SPHKAP: variants seen among roughly 807,000 people sequenced by gnomAD.
SPHKAP encodes the protein A-kinase anchor protein SPHKAP.
SPHKAP carries 67 observed loss-of-function variants against 137.5 expected under a neutral mutation model. The observed-to-expected ratio is 0.49, with a 90% CI of 0.40 to 0.60. SPHKAP has a LOEUF of 0.60. Among genes scored for constraint, SPHKAP ranks in the 20% least tolerant of loss-of-function variants. The probability of loss-of-function intolerance (pLI) is 0.00; values close to 1 mark genes in which losing one functional copy is unlikely to be tolerated. For missense variants in SPHKAP, 2,097 were observed against 2,069.3 expected (o/e 1.01, Z -0.26); for synonymous variants, 813 against 785.3 (o/e 1.04, Z -0.59).
chr2:228,039,760 T>G (rs2106256162), intron 3 of SPHKAP, among the ~76,000 whole-genome samples: 1 of 152,316 alleles, frequency 6.6e-6, no homozygotes, highest in East Asian at 1.9e-4. Flanking sequence ...TGCTTTTATA[T>G]AAGATAAAAA....
rs1028529778 is a variant in SPHKAP, at chr2:227,997,629, C to T, written c.4449-1935G>A. Among the ~76,000 whole-genome samples the T allele has an allele frequency of 2.0e-5, 3 of 152,088 alleles. No individual in the cohort carries two copies. In the South Asian group the frequency reaches 6.2e-4, roughly 32 times the overall value. ...CTGTTTTGATCTTTGCTTCTCACTACCCCTCAAGCCTCAGCCAAGACACTC... is the reference window on the plus strand; with the variant it reads ...CTGTTTTGATCTTTGCTTCTCACTATCCCTCAAGCCTCAGCCAAGACACTC... On this transcript the variant is annotated intron_variant, in intron 7 of 11. Transcript: ENST00000392056.
intron 7 of SPHKAP, among the ~76,000 whole-genome samples, chr2:228,005,323 T>C (rs1694086082): frequency 4.6e-5 from 7 of 152,224 alleles, no homozygotes. Context: ...CTTCGTCTCT[T>C]TTGATCTTTG....
intron 3 of SPHKAP, among the ~76,000 whole-genome samples, chr2:228,056,553 A>C (rs966980374): frequency 1.3e-5 from 2 of 151,660 alleles, no homozygotes; most frequent in African/African-American, 4.9e-5. Context: ...TTTCAGTTCA[A>C]AATCTGAACA....
intron 3 of SPHKAP, 48 bp downstream of exon 3, chr2:228,108,784 C>T (rs760824420): frequency 1.5e-5 from 21 of 1,395,126 alleles, no homozygotes; most frequent in South Asian, 2.4e-5. Context: ...TACATGTGCC[C>T]GCTTCCCTGC....
chr2:228,149,466 T>C (rs942805238), intron 1 of SPHKAP, among the ~76,000 whole-genome samples: 1 of 152,218 alleles, frequency 6.6e-6, no homozygotes, highest in African/African-American at 2.4e-5. Context: ...ACGATTTTAC[T>C]GTGTGAATGA....
chr2:228,124,029 A>G (rs1029315207), intron 2 of SPHKAP, among the ~76,000 whole-genome samples: 5 of 151,860 alleles, frequency 3.3e-5, no homozygotes, highest in Admixed American at 2.6e-4. Context: ...CAAAACCACG[A>G]TGAGATACCA....
intron 11 of SPHKAP, among the ~76,000 whole-genome samples, chr2:227,983,942 TG>T (rs1190399947): frequency 6.6e-6 from 1 of 152,092 alleles, no homozygotes; most frequent in African/African-American, 2.4e-5. Flanking sequence ...GATGTGGGGC[TG>T]CTTCATGCTC....
chr2:228,029,042 C>T (rs531241547), intron 3 of SPHKAP, among the ~76,000 whole-genome samples: 41 of 152,260 alleles, frequency 2.7e-4, no homozygotes, highest in East Asian at 1.7e-3. Context: ...GAAAGTGTAA[C>T]GCTGTCAAGC....
chr2:228,129,879 C>T (rs1699196656), intron 2 of SPHKAP, among the ~76,000 whole-genome samples: 1 of 151,366 alleles, frequency 6.6e-6, no homozygotes, highest in African/African-American at 2.4e-5. Context: ...TCACTGCAAC[C>T]TCCACCTCCC....
At chr2:228,080,605 G>A (rs1343744932) in intron 3 of SPHKAP, among the ~76,000 whole-genome samples, 3 of 152,092 alleles carry the variant, frequency 2.0e-5, no homozygotes, top group Non-Finnish European at 2.9e-5. Context: ...TACTCAGGAG[G>A]CTGAGGCAGG....
chr2:228,168,136 C>T lies in SPHKAP; in HGVS notation c.32+13431G>A, dbSNP rs556541091. On this transcript the variant is annotated intron_variant, in intron 1 of 11. Transcript: ENST00000392056. Reference sequence around the variant, plus strand: ...CTAATCATTTCAAAGAAACTACTTACAACTTTTTATATACAGTTTATCATG... The same window carrying T: ...CTAATCATTTCAAAGAAACTACTTATAACTTTTTATATACAGTTTATCATG... Among the ~76,000 whole-genome samples the T allele has an allele frequency of 5.9e-5, 9 of 152,222 alleles. No homozygotes were observed. The South Asian group carries it at 1.9e-3, about 32-fold the overall frequency.
intron 3 of SPHKAP, among the ~76,000 whole-genome samples, chr2:228,050,905 C>T (rs1696232466): frequency 6.6e-6 from 1 of 152,128 alleles, no homozygotes; most frequent in South Asian, 2.1e-4. Flanking sequence ...TTCCTGGGCT[C>T]AGGTGGTCCT....
Position 228,173,206 on chromosome 2 carries a change from G to T in SPHKAP, c.32+8361C>A, listed in dbSNP as rs532879252. Reference sequence around the variant, plus strand: ...AAAGAAAGAAAGAAGGAAACAAGGAGAAAGAAACAAGAAAGAAATTAGTCC... The same window carrying T: ...AAAGAAAGAAAGAAGGAAACAAGGATAAAGAAACAAGAAAGAAATTAGTCC... On this transcript the variant is annotated intron_variant, in intron 1 of 11. Coordinates refer to ENST00000392056, the MANE Select transcript of SPHKAP (RefSeq NM_001142644.2). Among the ~76,000 whole-genome samples the T allele has an allele frequency of 5.3e-5, 8 of 152,316 alleles. No individual in the cohort carries two copies. The South Asian group carries it at 1.5e-3, about 28-fold the overall frequency.
chr2:228,112,564 T>C (rs1363465725), intron 2 of SPHKAP, among the ~76,000 whole-genome samples: 1 of 152,076 alleles, frequency 6.6e-6, no homozygotes, highest in East Asian at 1.9e-4. Context: ...GGTGGGTACA[T>C]TTTCGTGGTG....
At chr2:228,047,477 A>AC (rs1696107151) in intron 3 of SPHKAP, among the ~76,000 whole-genome samples, 1 of 152,008 alleles carries the variant, frequency 6.6e-6, no homozygotes, top group African/African-American at 2.4e-5. Flanking sequence ...AAAAAAAAAA[A>AC]AAAAACAAAA....
chr2:228,173,594 G>A (rs1700651069), intron 1 of SPHKAP, among the ~76,000 whole-genome samples: 1 of 152,050 alleles, frequency 6.6e-6, no homozygotes, highest in Non-Finnish European at 1.5e-5. Context: ...GTGGTCATGA[G>A]GCAAGCAATG....
chr2:228,158,022 A>G (rs940098505), intron 1 of SPHKAP, among the ~76,000 whole-genome samples: 6 of 152,224 alleles, frequency 3.9e-5, no homozygotes, highest in African/African-American at 7.2e-5. Context: ...AGCTTAATGA[A>G]GCTCACTGTG....
chr2:228,147,176 G>C (rs1699801558), intron 1 of SPHKAP, among the ~76,000 whole-genome samples: 1 of 152,038 alleles, frequency 6.6e-6, no homozygotes, highest in South Asian at 2.1e-4. Flanking sequence ...AATGTGGTAG[G>C]GTCAATAATG....
At chr2:228,074,950 TA>T (rs1697129519) in intron 3 of SPHKAP, among the ~76,000 whole-genome samples, 2 of 151,630 alleles carry the variant, frequency 1.3e-5, no homozygotes, top group African/African-American at 4.9e-5. Flanking sequence ...CCCAATGTTA[TA>T]AAAAAGAAGG....
Sources: gnomAD v4.1 joint callset for allele counts (sites outside exome capture counted in the v4.1 genomes callset) on GRCh38, gnomAD v4.1.1 for gene constraint, MANE v1.5 for transcripts, NCBI Gene and HGNC (gene_info 2026-07-23, HGNC 2026-07-21) for gene names.